KIF26B: variants seen among roughly 807,000 people sequenced by gnomAD.
KIF26B encodes kinesin family member 26B.
A neutral mutation model predicts 151.2 loss-of-function variants in KIF26B; 63 were observed. The ratio of observed to expected loss-of-function variants is 0.42; its 90% CI spans 0.34 to 0.51. The LOEUF is 0.51. Ranked by LOEUF, KIF26B falls within the 20% of genes least tolerant of loss-of-function variation. KIF26B has a pLI of 0.07. For synonymous variants in KIF26B, 1,357 were observed against 1,262.1 expected, an observed-to-expected ratio of 1.08 and a Z score of -1.59; for missense variants, 2,813 against 2,913.6, an observed-to-expected ratio of 0.97 and a Z score of 0.79.
intron 2 of KIF26B, among the ~76,000 whole-genome samples, chr1:245,351,774 G>A (rs1672573843): frequency 6.6e-6 from 1 of 152,202 alleles, no homozygotes; most frequent in African/African-American, 2.4e-5. Flanking sequence ...CAGCTCCCAA[G>A]ATGAAGATGA....
At chr1:245,235,927 C>CTTTTT (rs1429800089) in intron 2 of KIF26B, among the ~76,000 whole-genome samples, 8 of 96,884 alleles carry the variant, frequency 8.3e-5, no homozygotes, top group African/African-American at 3.5e-4. Flanking sequence ...CACTGCATCA[C>CTTTTT]TTATTTTTTT....
intron 10 of KIF26B, among the ~76,000 whole-genome samples, chr1:245,664,791 C>A (rs958428350): frequency 1.3e-5 from 2 of 152,114 alleles, no homozygotes; most frequent in African/African-American, 4.8e-5. Flanking sequence ...TCTTCTAATA[C>A]CACTTCAGTA....
At chr1:245,334,348 C>A (rs932889357) in intron 2 of KIF26B, among the ~76,000 whole-genome samples, 10 of 152,068 alleles carry the variant, frequency 6.6e-5, no homozygotes, top group African/African-American at 2.4e-4. Context: ...TTAACTAACT[C>A]TGTTCAGTCC....
chr1:245,557,322 G>A (rs115333958), intron 5 of KIF26B, among the ~76,000 whole-genome samples: 2,132 of 152,310 alleles, frequency 0.014, 18 homozygotes, highest in South Asian at 0.05. Context: ...ATCTCTTTGC[G>A]GATGTGGAGC....
chr1:245,653,855 T>C (rs2044045979), intron 10 of KIF26B, among the ~76,000 whole-genome samples: 1 of 151,758 alleles, frequency 6.6e-6, no homozygotes, highest in Non-Finnish European at 1.5e-5. Flanking sequence ...AGCCCAGGAG[T>C]TTGAGACCAG....
rs191721209 is a variant in KIF26B at position 245,239,652 on chromosome 1, C to T, written c.465+82969C>T. On this transcript the variant is annotated intron_variant, in intron 2 of 14. Coordinates refer to ENST00000407071, the MANE Select transcript of KIF26B (RefSeq NM_018012.4). This position sits in a 1 kb window ranked among gnomAD's most constrained non-coding sequence, Gnocchi z 4.3. Reference sequence around the variant, plus strand: ...CATAGTAGCTGGGATTACAGGTGCCCGCCACCACGCCTGGCTAATTTTTTG... The same window carrying T: ...CATAGTAGCTGGGATTACAGGTGCCTGCCACCACGCCTGGCTAATTTTTTG... Among the ~76,000 whole-genome samples the T allele has an allele frequency of 4.1e-4, 63 of 152,028 alleles. No individual in the cohort carries two copies. The highest frequency in any genetic ancestry group is 1.4e-3 in the African/African-American group (57 of 41,464).
intron 2 of KIF26B, among the ~76,000 whole-genome samples, chr1:245,222,253 A>G (rs1669788710): frequency 1.3e-5 from 2 of 152,144 alleles, no homozygotes; most frequent in Admixed American, 6.5e-5. Context: ...CCTGGCCAAC[A>G]TGGTAAAACC....
chr1:245,301,613 G>A (rs559856936), intron 2 of KIF26B, among the ~76,000 whole-genome samples: 6 of 152,248 alleles, frequency 3.9e-5, no homozygotes, highest in African/African-American at 1.4e-4. Context: ...ATCTTAACTT[G>A]TAGGCACGTC....
At chr1:245,283,565 CCT>C (rs1157576108) in intron 2 of KIF26B, among the ~76,000 whole-genome samples, 2 of 152,082 alleles carry the variant, frequency 1.3e-5, no homozygotes, top group Non-Finnish European at 2.9e-5. Flanking sequence ...ACCTGTGCAG[CCT>C]CTCTTTTATT....
intron 2 of KIF26B, among the ~76,000 whole-genome samples, chr1:245,208,905 GTTT>G (rs1200212544): frequency 6.6e-6 from 1 of 152,184 alleles, no homozygotes; most frequent in African/African-American, 2.4e-5. Flanking sequence ...TCATGTGTCT[GTTT>G]AAACACTGTG....
chr1:245,533,500 G>A (rs1661422976), intron 4 of KIF26B, among the ~76,000 whole-genome samples: 1 of 152,176 alleles, frequency 6.6e-6, no homozygotes, highest in South Asian at 2.1e-4. Flanking sequence ...TCTTAGGATA[G>A]GGTTAGGAAC....
intron 10 of KIF26B, among the ~76,000 whole-genome samples, chr1:245,657,641 G>A (rs1019751653): frequency 3.1e-4 from 47 of 152,034 alleles, no homozygotes; most frequent in African/African-American, 9.7e-5. Flanking sequence ...ACTACATAGA[G>A]ATGACTGAAC....
At chr1:245,469,484 G>A (rs1659863324) in intron 4 of KIF26B, among the ~76,000 whole-genome samples, 1 of 152,168 alleles carries the variant, frequency 6.6e-6, no homozygotes, top group Non-Finnish European at 1.5e-5. Flanking sequence ...CAGGCATATA[G>A]TATGTATTAT....
In KIF26B at chr1:245,687,921, G is replaced by C. The variant is rs1449594034; in HGVS notation, c.4938G>C (p.Lys1646Asn). The change falls in exon 12 of 15, where the codon AAG (lysine) becomes AAC (asparagine). Residue 1646 changes from lysine to asparagine, a missense_variant. This residue lies in a region of KIF26B where 2,060 missense variants were observed against 2,088.6 expected (regional missense o/e 0.99). Transcript: ENST00000407071. The surrounding 1 kb of genome is among the most constrained non-coding windows in gnomAD (Gnocchi z 4.9). ...GLPDEPSGKT[K>N]DASSSSKLFS... Reference sequence around the variant, plus strand: ...CAGACGAGCCTAGCGGCAAGACGAAGGACGCCAGCAGCAGCAGCAAGCTCT... The same window carrying C: ...CAGACGAGCCTAGCGGCAAGACGAACGACGCCAGCAGCAGCAGCAAGCTCT... 1 of 1,594,218 alleles carries C rather than the reference G, an allele frequency of 6.3e-7. No homozygotes were observed. Among genetic ancestry groups the C allele is most frequent in the Non-Finnish European group, 8.5e-7 (1 of 1,172,268 alleles).
At chr1:245,332,508 T>C (rs1672132951) in intron 2 of KIF26B, among the ~76,000 whole-genome samples, 1 of 152,212 alleles carries the variant, frequency 6.6e-6, no homozygotes, top group South Asian at 2.1e-4. Context: ...AGCAAATTCT[T>C]TAGTGAGCAA....
At chr1:245,173,484 G>A (rs766909207) in intron 2 of KIF26B, among the ~76,000 whole-genome samples, 6 of 152,226 alleles carry the variant, frequency 3.9e-5, no homozygotes, top group South Asian at 2.1e-4. Flanking sequence ...ATGGTAATAC[G>A]TACAATCTGG....
intron 3 of KIF26B, among the ~76,000 whole-genome samples, chr1:245,401,364 G>A (rs1470572276): frequency 6.6e-6 from 1 of 152,230 alleles, no homozygotes; most frequent in Non-Finnish European, 1.5e-5. Flanking sequence ...AACACTGGGA[G>A]AGATAACATA....
intron 2 of KIF26B, among the ~76,000 whole-genome samples, chr1:245,211,603 G>A (rs1247729532): frequency 6.6e-6 from 1 of 152,182 alleles, no homozygotes; most frequent in African/African-American, 2.4e-5. Flanking sequence ...TTGCTGTGTT[G>A]CCCAGGCTGG....
In KIF26B at chr1:245,686,082, C is replaced by T. The variant is rs369332807; in HGVS notation, c.3099C>T (p.Ser1033=). 183 of 1,601,588 alleles carry T rather than the reference C, an allele frequency of 1.1e-4. No homozygotes were observed. Among genetic ancestry groups the T allele is most frequent in the Middle Eastern group, 4.9e-4 (3 of 6,072 alleles). ...TCCCGGGCAGCAGTAGCCAGCACAG[C>T]GCCTCCCCACTCGTGCAGAGCCCCA... The part of the protein sequence containing the change: ...RSVPGSSSQH[S]ASPLVQSPSL... Residue 1033 remains serine (S), a synonymous_variant, in exon 12 of 15, where the codon AGC becomes AGT. Coordinates refer to ENST00000407071, the MANE Select transcript of KIF26B (RefSeq NM_018012.4). This position sits in a 1 kb window ranked among gnomAD's most constrained non-coding sequence, Gnocchi z 5.6.
Sources: gnomAD v4.1 joint callset for allele counts (sites outside exome capture counted in the v4.1 genomes callset) on GRCh38, gnomAD v4.1.1 for gene constraint, gnomAD v4.1.1 regional missense constraint, Gnocchi (gnomAD v3.1) non-coding constraint, MANE v1.5 for transcripts, NCBI Gene and HGNC (gene_info 2026-07-23, HGNC 2026-07-21) for gene names.